The following WIPF2 variants were observed in gnomAD, a reference collection of about 807,000 sequenced individuals.
WIPF2 encodes WAS/WASL interacting protein family member 2.
A neutral mutation model predicts 38.8 loss-of-function variants in WIPF2; 23 were observed. That is an observed-to-expected ratio of 0.59 (90% CI 0.43 to 0.84). WIPF2 has a LOEUF of 0.84. Ranked by LOEUF, WIPF2 falls within the 40% of genes least tolerant of loss-of-function variation. WIPF2 has a pLI of 0.00. For missense variants in WIPF2, 574 were observed against 580.5 expected (o/e 0.99, Z 0.11); for synonymous variants, 210 against 223.2 (o/e 0.94, Z 0.53).
chr17:40,239,203 C>G (rs955335351), intron 1 of WIPF2, among the ~76,000 whole-genome samples: 4 of 151,886 alleles, frequency 2.6e-5, no homozygotes, highest in Non-Finnish European at 5.9e-5. Context: ...TCCCAAGTAG[C>G]TGGGACCACA....
At chr17:40,270,134 G>A (rs1295234533) in intron 5 of WIPF2, among the ~76,000 whole-genome samples, 3 of 151,296 alleles carry the variant, frequency 2.0e-5, no homozygotes, top group Non-Finnish European at 4.4e-5. Context: ...GGGAGGCTGA[G>A]GCGGGCAGAT....
chr17:40,233,356 C>G (rs1412360630), intron 1 of WIPF2, among the ~76,000 whole-genome samples: 1 of 152,010 alleles, frequency 6.6e-6, no homozygotes, highest in East Asian at 1.9e-4. Context: ...AAGAATCAGA[C>G]AGTACTACAA....
At chr17:40,224,006 G>A (rs2030366376) in intron 1 of WIPF2, among the ~76,000 whole-genome samples, 1 of 151,898 alleles carries the variant, frequency 6.6e-6, no homozygotes, top group African/African-American at 2.4e-5. Flanking sequence ...CTTGGTTCAG[G>A]CAGCTTCAGC....
intron 5 of WIPF2, among the ~76,000 whole-genome samples, chr17:40,268,292 A>G (rs892108540): frequency 1.3e-5 from 2 of 152,214 alleles, no homozygotes; most frequent in African/African-American, 4.8e-5. Context: ...GGCCTACTGC[A>G]TTCCTGATCC....
rs1041517900 is a variant in WIPF2 at position 40,237,585 on chromosome 17, G to A, written c.-70+18093G>A. 4.6e-5 allele frequency among the ~76,000 whole-genome samples: 7 copies of A among 151,092 alleles called. No individual in the cohort carries two copies. In the East Asian group the frequency reaches 1.4e-3, roughly 30 times the overall value. ...ATTCAATTTTTGTGAGATTTCCTTA[G>A]CTGTTCTTCCGACTCTCTGTTGTCG... On this transcript the variant is annotated intron_variant, in intron 1 of 7. Transcript: ENST00000323571.
chr17:40,273,215 A>G (rs181297650), intron 5 of WIPF2, among the ~76,000 whole-genome samples: 37 of 152,164 alleles, frequency 2.4e-4, no homozygotes, highest in African/African-American at 8.4e-4. Context: ...TTGTATTTTT[A>G]GTAGAGATGG....
Position 40,262,580 on chromosome 17 carries a change from G to T in WIPF2, c.252G>T (p.Lys84Asn). The change falls in exon 4 of 8, where the codon AAG (lysine) becomes AAT (asparagine). Residue 84 changes from lysine (K) to asparagine (N), a missense_variant. Coordinates refer to ENST00000323571, the MANE Select transcript of WIPF2 (RefSeq NM_133264.5). ...CTGGAGGAGCTGCCCTGCAGCCCAA[G>T]GGAGGTCTCTTCCAAGGAGGAGTGC... is the stretch of plus-strand genomic sequence containing the variant. ...YGSGGAALQP[K>N]GGLFQGGVLK... 1 of 1,614,032 alleles carries T rather than the reference G, an allele frequency of 6.2e-7. No homozygotes were observed. The highest frequency in any genetic ancestry group is 8.5e-7 in the Non-Finnish European group (1 of 1,179,924).
intron 2 of WIPF2, 116 bp downstream of exon 2, chr17:40,256,638 T>C: frequency 1.5e-6 from 2 of 1,342,892 alleles, no homozygotes; most frequent in South Asian, 1.6e-5. Flanking sequence ...ATTTTCCTAC[T>C]AGTAGCATTC....
chr17:40,256,418 A>G lies in WIPF2; in HGVS notation c.-42A>G, dbSNP rs755850901. The G allele has an allele frequency of 6.3e-7, 1 of 1,589,214 alleles. No individual in the cohort carries two copies. The highest frequency in any genetic ancestry group is 8.5e-7 in the Non-Finnish European group (1 of 1,172,042). ...ATATGAATGACCTAAAGGTACAAATAAAGACGGAGAGAGAACAGTGCCAAC... is the reference window on the plus strand; with the variant it reads ...ATATGAATGACCTAAAGGTACAAATGAAGACGGAGAGAGAACAGTGCCAAC... On this transcript the variant is annotated 5_prime_UTR_variant, in exon 2 of 8. It adds an upstream start codon to the 5' untranslated region. Coordinates refer to ENST00000323571, the MANE Select transcript of WIPF2 (RefSeq NM_133264.5).
intron 1 of WIPF2, among the ~76,000 whole-genome samples, chr17:40,245,405 C>A (rs932381794): frequency 2.0e-5 from 3 of 151,378 alleles, no homozygotes; most frequent in Non-Finnish European, 2.9e-5. Flanking sequence ...CGCAGTGGCA[C>A]GATCTCAGCT....
intron 1 of WIPF2, among the ~76,000 whole-genome samples, chr17:40,243,731 G>A (rs1233607795): frequency 6.6e-6 from 1 of 151,860 alleles, no homozygotes; most frequent in Non-Finnish European, 1.5e-5. Context: ...GTATTGGCCA[G>A]GCTGGTCTAA....
intron 5 of WIPF2, among the ~76,000 whole-genome samples, chr17:40,266,533 G>T (rs2032093440): frequency 6.6e-6 from 1 of 152,070 alleles, no homozygotes; most frequent in African/African-American, 2.4e-5. Flanking sequence ...TAATTGGAGT[G>T]GGTTCAAGAA....
At chr17:40,260,730 C>T (rs750383887) in intron 3 of WIPF2, 63 bp downstream of exon 3, 2 of 1,610,112 alleles carry the variant, frequency 1.2e-6, no homozygotes, top group South Asian at 2.2e-5. Flanking sequence ...GGAGACTTGG[C>T]TGGGTTCTTA....
chr17:40,225,805 C>T (rs902874574), intron 1 of WIPF2, among the ~76,000 whole-genome samples: 3 of 152,110 alleles, frequency 2.0e-5, no homozygotes, highest in African/African-American at 2.4e-5. Context: ...TACAGGCGCA[C>T]GCCACTATGC....
intron 1 of WIPF2, among the ~76,000 whole-genome samples, chr17:40,227,388 G>A (rs749044624): frequency 3.9e-5 from 6 of 152,036 alleles, no homozygotes; most frequent in Non-Finnish European, 8.8e-5. Flanking sequence ...AGATAAAAAA[G>A]TATATAAGCA....
chr17:40,249,613 C>A (rs559189335), intron 1 of WIPF2, among the ~76,000 whole-genome samples: 2 of 151,534 alleles, frequency 1.3e-5, no homozygotes, highest in South Asian at 4.2e-4. Flanking sequence ...ACCACCATGC[C>A]CGGCTAATTT....
At chr17:40,261,277 A>T (rs2031893078) in intron 3 of WIPF2, among the ~76,000 whole-genome samples, 1 of 151,896 alleles carries the variant, frequency 6.6e-6, no homozygotes, top group Non-Finnish European at 1.5e-5. Context: ...AAGAGCCCAG[A>T]TAACTATGTT....
Position 40,279,474 on chromosome 17 carries a change from T to C in WIPF2, c.*1249T>C, listed in dbSNP as rs182754173. On this transcript the variant is annotated 3_prime_UTR_variant, in exon 8 of 8. Transcript: ENST00000323571. Reference sequence around the variant, plus strand: ...ATGAAGATATTCAGATACTCTTCTATGCCAGGAAGCACAAAGACTTTGTTG... The same window carrying C: ...ATGAAGATATTCAGATACTCTTCTACGCCAGGAAGCACAAAGACTTTGTTG... The C allele has an allele frequency of 6.5e-6, 1 of 152,848 alleles. No homozygotes were observed. Among genetic ancestry groups the C allele is most frequent in the Admixed American group, 6.5e-5 (1 of 15,298 alleles). 9.5% of individuals were successfully genotyped at this position (152,848 alleles called of 1,614,324 possible). A position where few individuals can be genotyped will look rare whatever the true frequency, so the allele number is the denominator to read the frequency against.
chr17:40,255,621 G>A (rs1278563149), intron 1 of WIPF2, among the ~76,000 whole-genome samples: 3 of 150,688 alleles, frequency 2.0e-5, no homozygotes, highest in Admixed American at 6.6e-5. Flanking sequence ...CACCGTGCCC[G>A]GCCTAAATTT....
Sources: allele counts gnomAD v4.1 joint callset (sites outside exome capture counted in the v4.1 genomes callset), GRCh38; gene constraint gnomAD v4.1.1; transcripts MANE v1.5; gene names NCBI Gene and HGNC (gene_info 2026-07-23, HGNC 2026-07-21).